The following ERLIN1 variants were observed in gnomAD, a reference collection of about 807,000 sequenced individuals.
ERLIN1 encodes erlin-1.
In ERLIN1, 24 loss-of-function variants were observed where a neutral mutation model predicts 46.9. That is an observed-to-expected ratio of 0.51 (90% CI 0.37 to 0.72). The LOEUF (loss-of-function observed/expected upper bound fraction) is 0.72, where lower values mean the gene tolerates loss of function less well. ERLIN1 is among the 30% of genes least tolerant of loss of function. ERLIN1 has a pLI of 0.00. For synonymous variants in ERLIN1, 158 were observed against 143.2 expected (o/e 1.10, Z -0.74); for missense variants, 293 against 417.9 (o/e 0.70, Z 2.61).
intron 2 of ERLIN1, among the ~76,000 whole-genome samples, chr10:100,181,565 A>C (rs1589558298): frequency 7.7e-6 from 1 of 129,456 alleles, no homozygotes; most frequent in Admixed American, 9.0e-5. Flanking sequence ...CCCAGGCTGG[A>C]GTGCAAGGGT....
chr10:100,159,654 C>T (rs1244092878), intron 8 of ERLIN1, among the ~76,000 whole-genome samples: 1 of 151,926 alleles, frequency 6.6e-6, no homozygotes, highest in Non-Finnish European at 1.5e-5. Context: ...GAAATTGAAG[C>T]ATATACTTTT....
intron 6 of ERLIN1, among the ~76,000 whole-genome samples, chr10:100,168,969 C>T (rs771112639): frequency 3.3e-5 from 5 of 152,150 alleles, no homozygotes; most frequent in South Asian, 2.1e-4. Context: ...CAGGCGTGAG[C>T]CACCACACTC....
At chr10:100,161,123 T>TA (rs1471314229) in intron 8 of ERLIN1, among the ~76,000 whole-genome samples, 1 of 152,168 alleles carries the variant, frequency 6.6e-6, no homozygotes, top group Non-Finnish European at 1.5e-5. Context: ...AGTCATAGCC[T>TA]AAAGCAGTAA....
chr10:100,164,139 G>A (rs1356169830), intron 7 of ERLIN1, 44 bp from the exon 8 acceptor site: 3 of 1,329,914 alleles, frequency 2.3e-6, no homozygotes, highest in South Asian at 1.2e-5. Context: ...ATTCTCCTAT[G>A]TGCAGTCACA....
intron 6 of ERLIN1, among the ~76,000 whole-genome samples, chr10:100,169,162 C>T (rs1420519636): frequency 6.6e-6 from 1 of 152,128 alleles, no homozygotes; most frequent in East Asian, 1.9e-4. Flanking sequence ...AGTGGGAAGT[C>T]CCACTCAGGC....
At chr10:100,155,089 A>G (rs1002549362) in intron 9 of ERLIN1, 150 bp from the exon 10 acceptor site, 6 of 630,334 alleles carry the variant, frequency 9.5e-6, no homozygotes, top group Non-Finnish European at 1.4e-5. Context: ...CCAAACAGCA[A>G]CTTCTCTACG....
rs10706601 is a variant in ERLIN1, at chr10:100,163,378, T to TAAA, written c.655+623_655+625dup. Among the ~76,000 whole-genome samples, 1,318 of 142,734 alleles carry TAAA rather than the reference T, an allele frequency of 9.2e-3. 22 individuals are homozygous for TAAA. Among genetic ancestry groups the TAAA allele is most frequent in the African/African-American group, 0.032 (1,261 of 39,032 alleles). 93.6% of individuals were successfully genotyped at this position (142,734 alleles called of 152,430 possible). A position where few individuals can be genotyped will look rare whatever the true frequency, so the allele number is the denominator to read the frequency against. On this transcript the variant is annotated intron_variant, in intron 8 of 10. Coordinates refer to ENST00000421367, the MANE Select transcript of ERLIN1 (RefSeq NM_006459.4). ...TCAAACAGATATTTAATTTTTTTCT[T>TAAA]AAAAAAAAAAAAAAAGATCTGAAGG...
At chr10:100,168,123 C>A (rs1843749584) in intron 6 of ERLIN1, among the ~76,000 whole-genome samples, 1 of 152,134 alleles carries the variant, frequency 6.6e-6, no homozygotes, top group Non-Finnish European at 1.5e-5. Context: ...TTTTCTACAT[C>A]AAGGACTTGA....
In ERLIN1 at chr10:100,152,199, G is replaced by A. The variant is rs1461089868; in HGVS notation, c.979C>T (p.Leu327Phe). 1.9e-6 allele frequency: 3 copies of A among 1,613,504 alleles called. No individual in the cohort carries two copies. Among genetic ancestry groups the A allele is most frequent in the Non-Finnish European group, 2.5e-6 (3 of 1,179,408 alleles). Residue 327 changes from leucine to phenylalanine, a missense_variant, in exon 11 of 11, where the codon CTC (leucine) becomes TTC (phenylalanine). By Grantham distance (22) the Leu-to-Phe change is conservative. This residue lies in a region of ERLIN1 where 69 missense variants were observed against 74.5 expected (regional missense o/e 0.93). Transcript: ENST00000421367. Reference protein sequence around the residue: ...SDIRTGRESSLPSKEALEPSG... With the variant: ...SDIRTGRESSFPSKEALEPSG... ...GGTTCAAGAGCCTCCTTAGAGGGGA[G>A]TGAGCTTTCTCTTCCAGTCCTAATA...
chr10:100,158,082 G>C (rs1412411900), intron 8 of ERLIN1, among the ~76,000 whole-genome samples: 1 of 152,180 alleles, frequency 6.6e-6, no homozygotes, highest in Non-Finnish European at 1.5e-5. Flanking sequence ...TAGACAAGAA[G>C]GGAGTGGGAC....
intron 9 of ERLIN1, among the ~76,000 whole-genome samples, 183 bp downstream of exon 9, chr10:100,155,962 C>T (rs1291667727): frequency 6.6e-6 from 1 of 152,112 alleles, no homozygotes; most frequent in African/African-American, 2.4e-5. Flanking sequence ...CAAACAAACC[C>T]AAAAGCTGGA....
In ERLIN1 at chr10:100,150,939, G is replaced by A. The variant is rs1842772919; in HGVS notation, c.*1192C>T. The A allele has an allele frequency of 6.6e-6, 1 of 152,232 alleles. No homozygotes were observed. The highest frequency in any genetic ancestry group is 2.4e-5 in the African/African-American group (1 of 41,442). 9.4% of individuals were successfully genotyped at this position (152,232 alleles called of 1,614,324 possible). ...ACGTCAGTGGAATCCTGATCTCCTG[G>A]GGGAGGTGACAGCTGGAGAAACAAC... On this transcript the variant is annotated 3_prime_UTR_variant, in exon 11 of 11. Transcript: ENST00000421367.
At chr10:100,168,904 G>A (rs1234564892) in intron 6 of ERLIN1, among the ~76,000 whole-genome samples, 5 of 151,998 alleles carry the variant, frequency 3.3e-5, no homozygotes, top group South Asian at 4.1e-4. Flanking sequence ...AGCTGGTCTC[G>A]AACTCCTGAA....
chr10:100,157,747 G>A (rs1395311488), intron 8 of ERLIN1, among the ~76,000 whole-genome samples: 1 of 152,146 alleles, frequency 6.6e-6, no homozygotes, highest in African/African-American at 2.4e-5. Flanking sequence ...TGAATAAAAG[G>A]TGAGGGATCT....
chr10:100,185,455 A>C, intron 1 of ERLIN1, 59 bp downstream of exon 1: 1 of 1,315,182 alleles, frequency 7.6e-7, no homozygotes, highest in Non-Finnish European at 1.1e-6. Flanking sequence ...CCCAGACTCC[A>C]CTCTGGAGTA....
intron 6 of ERLIN1, among the ~76,000 whole-genome samples, chr10:100,170,086 TA>T (rs1305941484): frequency 6.6e-6 from 1 of 152,160 alleles, no homozygotes; most frequent in Non-Finnish European, 1.5e-5. Flanking sequence ...AAAATATCGA[TA>T]ATGAAAACTC....
chr10:100,169,825 C>G (rs1843883859), intron 6 of ERLIN1, among the ~76,000 whole-genome samples: 1 of 152,092 alleles, frequency 6.6e-6, no homozygotes, highest in Admixed American at 6.5e-5. Flanking sequence ...TGAGACCAGC[C>G]TGGGCAACAC....
chr10:100,180,767 G>A (rs950959024), intron 2 of ERLIN1, among the ~76,000 whole-genome samples: 1 of 152,164 alleles, frequency 6.6e-6, no homozygotes, highest in East Asian at 1.9e-4. Flanking sequence ...GTCACAAAAC[G>A]AACCATTCAA....
intron 1 of ERLIN1, among the ~76,000 whole-genome samples, chr10:100,185,225 T>C (rs1202262823): frequency 6.6e-6 from 1 of 152,174 alleles, no homozygotes; most frequent in Admixed American, 6.5e-5. Context: ...CAGTTAGAGG[T>C]AGAGTGACTA....
Sources: allele counts gnomAD v4.1 joint callset (sites outside exome capture counted in the v4.1 genomes callset), GRCh38; gene constraint gnomAD v4.1.1; regional missense constraint gnomAD v4.1.1; transcripts MANE v1.5; gene names NCBI Gene and HGNC (gene_info 2026-07-23, HGNC 2026-07-21).